OSBPL8: variants seen among roughly 807,000 people sequenced by gnomAD.
OSBPL8 encodes the protein oxysterol binding protein like 8.
A neutral mutation model predicts 125.5 loss-of-function variants in OSBPL8; 59 were observed. That is an observed-to-expected ratio of 0.47 (90% CI 0.38 to 0.58). The LOEUF (loss-of-function observed/expected upper bound fraction) is 0.58. Ranked by LOEUF, OSBPL8 falls within the 20% of genes least tolerant of loss-of-function variation. OSBPL8 has a pLI of 0.00. For missense variants in OSBPL8, 758 were observed against 1,047.8 expected (o/e 0.72, Z 3.82); for synonymous variants, 330 against 338.9 (o/e 0.97, Z 0.29).
intron 1 of OSBPL8, among the ~76,000 whole-genome samples, chr12:76,554,578 G>A (rs778134475): frequency 6.6e-5 from 10 of 152,100 alleles, no homozygotes; most frequent in African/African-American, 1.7e-4. Flanking sequence ...GCCTGATTGC[G>A]GGGTGGTTGT....
rs74105511 is a variant in OSBPL8 at position 76,539,695 on chromosome 12, T to C, written c.-68+19702A>G. 9.2e-5 allele frequency among the ~76,000 whole-genome samples: 14 copies of C among 152,302 alleles called. No homozygotes were observed. The South Asian group carries it at 1.2e-3, about 14-fold the overall frequency. On this transcript the variant is annotated intron_variant, in intron 1 of 23. Coordinates refer to ENST00000261183, the MANE Select transcript of OSBPL8 (RefSeq NM_020841.5). The stretch of plus-strand genomic sequence containing the variant: ...CTTTAGTTAGCAAATAATCTCACGA[T>C]AAAAAGCCGAAGAGTGAAGAGCACA...
rs1952527971 is a variant in OSBPL8 at position 76,369,239 on chromosome 12, G to C, written c.2303C>G (p.Thr768Ser). 6 of 1,609,524 alleles carry C rather than the reference G, an allele frequency of 3.7e-6. No individual in the cohort carries two copies. Among genetic ancestry groups the C allele is most frequent in the Non-Finnish European group, 5.1e-6 (6 of 1,178,354 alleles). The change falls in exon 21 of 24, where the codon ACC (threonine) becomes AGC (serine). Residue 768 changes from threonine to serine, a missense_variant. Thr to Ser is a moderately conservative substitution (Grantham distance 58). Coordinates refer to ENST00000261183, the MANE Select transcript of OSBPL8 (RefSeq NM_020841.5). ...CATTGGAGTACGATGTTTCACTTTG[G>C]TCTGAATAACACCATCTTTTTCAAA... ...IQFEKDGVIQ[T>S]KVKHRTPMVS...
At chr12:76,421,757 TGAAAG>T (rs1869512066) in intron 4 of OSBPL8, among the ~76,000 whole-genome samples, 1 of 151,982 alleles carries the variant, frequency 6.6e-6, no homozygotes, top group African/African-American at 2.4e-5. Flanking sequence ...TTTAAAAATC[TGAAAG>T]GAAAAGATTA....
chr12:76,402,370 C>T (rs1340184091), intron 6 of OSBPL8, among the ~76,000 whole-genome samples: 1 of 152,160 alleles, frequency 6.6e-6, no homozygotes, highest in Admixed American at 6.5e-5. Flanking sequence ...TGCCAGAGTT[C>T]CCATTAGGAG....
At position 76,371,070 on chromosome 12, in the gene OSBPL8, A is replaced by G. The variant is rs567829157; in HGVS notation, c.2054+378T>C. 3.0e-4 allele frequency: 46 copies of G among 154,770 alleles called. No homozygotes were observed. The South Asian group carries it at 8.6e-3, about 29-fold the overall frequency. 9.6% of individuals were successfully genotyped at this position (154,770 alleles called of 1,614,324 possible). The stretch of plus-strand genomic sequence containing the variant: ...TTGTATCAGAGAATGGAACAGAAGT[A>G]GATTCTGCACCACTCCCTTTACCTA... On this transcript the variant is annotated intron_variant, in intron 19 of 23. Transcript: ENST00000261183.
At chr12:76,499,304 C>CTATCTATCTA (rs1555231512) in intron 1 of OSBPL8, among the ~76,000 whole-genome samples, 2 of 127,986 alleles carry the variant, frequency 1.6e-5, no homozygotes, top group African/African-American at 6.0e-5. Flanking sequence ...ACTTAATAAA[C>CTATCTATCTA]TCTATCTATC....
At position 76,423,938 on chromosome 12, in the gene OSBPL8, T is replaced by G. The variant is rs75340028; in HGVS notation, c.218-13304A>C. On this transcript the variant is annotated intron_variant, in intron 4 of 23. Transcript: ENST00000261183. ...TTCTCTATTCATGCACAACATCTCATATAATCTAAGACTTTGTCCTTACTA... is the reference window on the plus strand; with the variant it reads ...TTCTCTATTCATGCACAACATCTCAGATAATCTAAGACTTTGTCCTTACTA... 2.1e-3 allele frequency among the ~76,000 whole-genome samples: 319 copies of G among 152,270 alleles called. 1 individual carries two copies. The highest frequency in any genetic ancestry group is 7.3e-3 in the African/African-American group (302 of 41,558).
chr12:76,385,990 C>T, intron 14 of OSBPL8, 178 bp downstream of exon 14: 2 of 809,368 alleles, frequency 2.5e-6, no homozygotes, highest in Non-Finnish European at 3.5e-6. Flanking sequence ...AATAATAGTA[C>T]CTATGAATAT....
intron 1 of OSBPL8, among the ~76,000 whole-genome samples, chr12:76,497,568 CTT>C (rs1879410992): frequency 6.6e-6 from 1 of 152,196 alleles, no homozygotes; most frequent in Non-Finnish European, 1.5e-5. Context: ...TCACTACTAA[CTT>C]TATCACTTTC....
intron 1 of OSBPL8, among the ~76,000 whole-genome samples, chr12:76,520,431 CTGGTA>C (rs563514496): frequency 3.3e-4 from 50 of 152,184 alleles, no homozygotes; most frequent in African/African-American, 1.1e-3. Flanking sequence ...TAATGTGAGC[CTGGTA>C]TGGGTCAAGC....
chr12:76,460,355 G>GT (rs751092922), intron 2 of OSBPL8, among the ~76,000 whole-genome samples: 4 of 151,996 alleles, frequency 2.6e-5, no homozygotes, highest in Non-Finnish European at 5.9e-5. Context: ...ATGAAAGCAC[G>GT]TAACACTACA....
chr12:76,469,161 C>T (rs1359414638), intron 2 of OSBPL8, among the ~76,000 whole-genome samples: 2 of 152,154 alleles, frequency 1.3e-5, no homozygotes, highest in African/African-American at 2.4e-5. Context: ...TTCCATTCAA[C>T]ATGATTTCCC....
intron 21 of OSBPL8, among the ~76,000 whole-genome samples, chr12:76,367,362 T>C (rs1343554160): frequency 2.6e-5 from 4 of 152,106 alleles, no homozygotes; most frequent in African/African-American, 9.7e-5. Context: ...CAGTTTTCCT[T>C]TGGTTACTAT....
intron 21 of OSBPL8, 104 bp downstream of exon 21, chr12:76,369,110 C>T (rs535267911): frequency 7.0e-7 from 1 of 1,432,874 alleles, no homozygotes; most frequent in African/African-American, 1.5e-5. Flanking sequence ...GTATTTTGCT[C>T]ACCCAAAATT....
At chr12:76,441,899 T>C (rs1233187248) in intron 4 of OSBPL8, among the ~76,000 whole-genome samples, 4 of 152,142 alleles carry the variant, frequency 2.6e-5, no homozygotes, top group Non-Finnish European at 5.9e-5. Flanking sequence ...CTATATTCAA[T>C]AATAATTTAA....
chr12:76,454,004 C>A (rs923616711), intron 3 of OSBPL8, among the ~76,000 whole-genome samples: 1 of 152,080 alleles, frequency 6.6e-6, no homozygotes, highest in Admixed American at 6.6e-5. Context: ...ATATTTTATA[C>A]TCAGTAAAAT....
At chr12:76,471,145 C>T (rs570812544) in intron 2 of OSBPL8, among the ~76,000 whole-genome samples, 3 of 152,080 alleles carry the variant, frequency 2.0e-5, no homozygotes, top group Non-Finnish European at 4.4e-5. Flanking sequence ...TGCAAATTAC[C>T]CTTTCAGAGC....
chr12:76,439,119 G>A (rs551042517), intron 4 of OSBPL8, among the ~76,000 whole-genome samples: 14 of 152,294 alleles, frequency 9.2e-5, no homozygotes, highest in Admixed American at 1.3e-4. Context: ...GGTGGCTCAC[G>A]CCTGTAATCC....
In OSBPL8 at chr12:76,378,513, C is replaced by A; in HGVS notation, c.1668G>T (p.Arg556=). The change falls in exon 16 of 24, where the codon CGG becomes CGT. Residue 556 remains arginine, a synonymous_variant. Transcript: ENST00000261183. The part of the protein sequence containing the change: ...SLSAILEGEA[R]LTFLNRGEDY... Reference sequence around the variant, plus strand: ...CTTCACCTCTATTCAAGAAAGTTAACCGTGCTTCTCCCTCTAATATTGCAG... The same window carrying A: ...CTTCACCTCTATTCAAGAAAGTTAAACGTGCTTCTCCCTCTAATATTGCAG... 2 of 1,606,280 alleles carry A rather than the reference C, an allele frequency of 1.2e-6. No individual in the cohort carries two copies. The highest frequency in any genetic ancestry group is 1.1e-5 in the South Asian group (1 of 90,538).
Sources: allele counts gnomAD v4.1 joint callset (sites outside exome capture counted in the v4.1 genomes callset), GRCh38; gene constraint gnomAD v4.1.1; transcripts MANE v1.5; gene names NCBI Gene and HGNC (gene_info 2026-07-23, HGNC 2026-07-21).